ATXN1: variants seen among roughly 807,000 people sequenced by gnomAD.
The protein encoded by ATXN1 is ataxin 1, also known as ataxin-1.
Under a neutral mutation model 56.4 loss-of-function variants are expected in ATXN1, and 8 were observed. The ratio of observed to expected loss-of-function variants is 0.14; its 90% CI spans 0.08 to 0.26. The LOEUF (loss-of-function observed/expected upper bound fraction) is 0.26. ATXN1 is among the 10% of genes least tolerant of loss of function. The pLI, the probability that ATXN1 is intolerant of heterozygous loss-of-function variation, is 1.00. For synonymous variants in ATXN1, 514 were observed against 494.6 expected, an observed-to-expected ratio of 1.04 and a Z score of -0.52; for missense variants, 987 against 1,106.5, an observed-to-expected ratio of 0.89 and a Z score of 1.53.
intron 6 of ATXN1, among the ~76,000 whole-genome samples, chr6:16,393,013 C>A (rs917974485): frequency 2.0e-5 from 3 of 152,196 alleles, no homozygotes; most frequent in African/African-American, 4.8e-5. Context: ...AATGTAAACA[C>A]ACCAAAATGA....
intron 2 of ATXN1, among the ~76,000 whole-genome samples, chr6:16,679,319 T>TGGATGGATGGATAG (rs1581358392): frequency 1.7e-5 from 1 of 58,254 alleles, no homozygotes; most frequent in African/African-American, 8.3e-5. Context: ...TGGATGGATA[T>TGGATGGATGGATAG]ATGGGTGGGT....
At position 16,350,194 on chromosome 6, in the gene ATXN1, A is replaced by G. The variant is rs531988892; in HGVS notation, c.-160-21724T>C. The stretch of plus-strand genomic sequence containing the variant: ...CTGTTTACAACAAAGCTCATTTTCT[A>G]TACTAGCACTGTGGACGTGGAAGAT... On this transcript the variant is annotated intron_variant, in intron 6 of 7. Coordinates refer to ENST00000436367, the MANE Select transcript of ATXN1 (RefSeq NM_001128164.2). Among the ~76,000 whole-genome samples the G allele has an allele frequency of 3.9e-5, 6 of 152,368 alleles. 1 individual carries two copies. Among genetic ancestry groups the G allele is most frequent in the African/African-American group, 1.4e-4 (6 of 41,594 alleles).
At chr6:16,490,794 T>A (rs1259011083) in intron 5 of ATXN1, among the ~76,000 whole-genome samples, 1 of 152,186 alleles carries the variant, frequency 6.6e-6, no homozygotes, top group African/African-American at 2.4e-5. Flanking sequence ...GCAATCGTAA[T>A]ACAACAACCC....
intron 6 of ATXN1, among the ~76,000 whole-genome samples, chr6:16,461,591 T>C (rs925196700): frequency 1.3e-5 from 2 of 152,240 alleles, no homozygotes; most frequent in African/African-American, 4.8e-5. Context: ...CTTGTTGGTC[T>C]GTGTTGACCA....
intron 5 of ATXN1, among the ~76,000 whole-genome samples, chr6:16,489,655 A>T (rs931805350): frequency 6.6e-6 from 1 of 152,178 alleles, no homozygotes; most frequent in African/African-American, 2.4e-5. Flanking sequence ...AAGCAGCATC[A>T]GAAATGGCTG....
chr6:16,619,782 A>T (rs1361541736), intron 3 of ATXN1, among the ~76,000 whole-genome samples: 1 of 151,840 alleles, frequency 6.6e-6, no homozygotes, highest in Non-Finnish European at 1.5e-5. Context: ...GGCAACATGC[A>T]CTATAGTCCC....
chr6:16,550,028 G>A (rs13192653), intron 4 of ATXN1, among the ~76,000 whole-genome samples: 33,841 of 150,912 alleles, frequency 0.22, 3,997 homozygotes, highest in Non-Finnish European at 0.25. Context: ...GGGTGGGGAG[G>A]GGAGGGAACC....
chr6:16,486,340 A>G (rs2113656299), intron 5 of ATXN1, among the ~76,000 whole-genome samples: 1 of 152,318 alleles, frequency 6.6e-6, no homozygotes. Context: ...GAGACTTCAG[A>G]CACAATCTTA....
intron 3 of ATXN1, chr6:16,615,277 T>C (rs1763187165): frequency 6.6e-6 from 1 of 150,496 alleles, no homozygotes; most frequent in Non-Finnish European, 1.5e-5. Context: ...TGTATGGAAT[T>C]TCATGGTTTT....
chr6:16,441,961 C>T (rs777511903), intron 6 of ATXN1, among the ~76,000 whole-genome samples: 13 of 152,096 alleles, frequency 8.5e-5, no homozygotes, highest in South Asian at 4.1e-4. Flanking sequence ...TGCTTAAAAT[C>T]GTGACTGAAG....
chr6:16,662,771 T>C (rs1758345664), intron 2 of ATXN1, among the ~76,000 whole-genome samples: 1 of 152,246 alleles, frequency 6.6e-6, no homozygotes, highest in South Asian at 2.1e-4. Context: ...AACCTCAGTA[T>C]GGTTCTTCCA....
intron 6 of ATXN1, among the ~76,000 whole-genome samples, chr6:16,414,030 T>C (rs891255561): frequency 6.6e-6 from 1 of 152,222 alleles, no homozygotes; most frequent in Non-Finnish European, 1.5e-5. Context: ...GATGCTTAAT[T>C]TGGAGGATAA....
chr6:16,728,148 C>T (rs1216281725), intron 2 of ATXN1, among the ~76,000 whole-genome samples: 1 of 152,196 alleles, frequency 6.6e-6, no homozygotes, highest in Non-Finnish European at 1.5e-5. Flanking sequence ...GCTCTTTCTG[C>T]CACACTACCC....
chr6:16,602,553 G>A (rs1475799099), intron 3 of ATXN1, among the ~76,000 whole-genome samples: 7 of 151,984 alleles, frequency 4.6e-5, no homozygotes, highest in African/African-American at 1.7e-4. Context: ...CTGGGTTCAA[G>A]CAAGTCTCTT....
intron 6 of ATXN1, among the ~76,000 whole-genome samples, chr6:16,465,802 T>C (rs767117490): frequency 4.1e-4 from 62 of 152,122 alleles, no homozygotes; most frequent in Non-Finnish European, 7.4e-4. Context: ...GGAAAGCTCA[T>C]GATGCAATCA....
chr6:16,369,546 G>A (rs1177040928), intron 6 of ATXN1, among the ~76,000 whole-genome samples: 1 of 152,196 alleles, frequency 6.6e-6, no homozygotes, highest in Non-Finnish European at 1.5e-5. Context: ...AAATGCCCAT[G>A]GACAGGGGTT....
At chr6:16,502,290 A>G (rs1760899811) in intron 5 of ATXN1, among the ~76,000 whole-genome samples, 2 of 152,212 alleles carry the variant, frequency 1.3e-5, no homozygotes, top group Admixed American at 1.3e-4. Context: ...GAATCTATCT[A>G]AATTTGCAAA....
intron 6 of ATXN1, among the ~76,000 whole-genome samples, chr6:16,340,417 A>C (rs1410958470): frequency 6.6e-6 from 1 of 152,160 alleles, no homozygotes; most frequent in Non-Finnish European, 1.5e-5. Context: ...CATGGCTGGG[A>C]GGAGGTAATG....
chr6:16,711,876 T>C (rs930651207), intron 2 of ATXN1, among the ~76,000 whole-genome samples: 1 of 152,204 alleles, frequency 6.6e-6, no homozygotes, highest in Admixed American at 6.5e-5. Flanking sequence ...CCTTGGCCTC[T>C]GGCTAGCATT....
Sources: gnomAD v4.1 joint callset for allele counts (sites outside exome capture counted in the v4.1 genomes callset) on GRCh38, gnomAD v4.1.1 for gene constraint, MANE v1.5 for transcripts, NCBI Gene and HGNC (gene_info 2026-07-23, HGNC 2026-07-21) for gene names.